ADGRL3: variants seen among roughly 807,000 people sequenced by gnomAD.
ADGRL3 encodes calcium-independent alpha-latrotoxin receptor 3.
A neutral mutation model predicts 153.5 loss-of-function variants in ADGRL3; 62 were observed. That is an observed-to-expected ratio of 0.40 (90% CI 0.33 to 0.50). The LOEUF (loss-of-function observed/expected upper bound fraction) is 0.50, where lower values mean the gene tolerates loss of function less well. Ranked by LOEUF, ADGRL3 falls within the 20% of genes least tolerant of loss-of-function variation. ADGRL3 has a pLI of 0.47. For missense variants in ADGRL3, 1,641 were observed against 1,859.4 expected (o/e 0.88, Z 2.16); for synonymous variants, 710 against 672.5 (o/e 1.06, Z -0.86).
chr4:61,304,567 T>C (rs1183945060), intron 1 of ADGRL3, among the ~76,000 whole-genome samples: 1 of 152,212 alleles, frequency 6.6e-6, no homozygotes, highest in African/African-American at 2.4e-5. Flanking sequence ...TCATGTTTTT[T>C]TCCCTTTCTG....
At chr4:61,869,961 AGAGAGAG>A (rs1165118876) in intron 9 of ADGRL3, among the ~76,000 whole-genome samples, 118 of 93,734 alleles carry the variant, frequency 1.3e-3, no homozygotes, top group Middle Eastern at 4.7e-3. Flanking sequence ...AAAAAAAAAA[AGAGAGAG>A]AGAGAGAAAG....
At chr4:61,826,213 C>A (rs1053348473) in intron 9 of ADGRL3, among the ~76,000 whole-genome samples, 2 of 152,082 alleles carry the variant, frequency 1.3e-5, no homozygotes, top group Non-Finnish European at 2.9e-5. Context: ...CAAAGGAAGC[C>A]ACTCTAGGGA....
In ADGRL3 at chr4:61,786,457, A is replaced by C. The variant is rs146376504; in HGVS notation, c.1400-27352A>C. On this transcript the variant is annotated intron_variant, in intron 8 of 26. Coordinates refer to ENST00000683033, the MANE Select transcript of ADGRL3 (RefSeq NM_001387552.1). ...AAATAAAGAAACCAGATGGAGAAAGAATAGGAAGAGCATTCGTGAGATGAT... is the reference window on the plus strand; with the variant it reads ...AAATAAAGAAACCAGATGGAGAAAGCATAGGAAGAGCATTCGTGAGATGAT... 6.6e-5 allele frequency among the ~76,000 whole-genome samples: 10 copies of C among 152,344 alleles called. No individual in the cohort carries two copies. In the East Asian group the frequency reaches 1.2e-3, roughly 18 times the overall value.
chr4:61,340,360 A>G (rs980890062), intron 1 of ADGRL3, among the ~76,000 whole-genome samples: 1 of 151,770 alleles, frequency 6.6e-6, no homozygotes, highest in African/African-American at 2.4e-5. Context: ...TCTCTATTAT[A>G]GCAATTCAAG....
intron 21 of ADGRL3, among the ~76,000 whole-genome samples, chr4:62,011,615 A>G (rs1408094020): frequency 6.6e-6 from 1 of 152,152 alleles, no homozygotes; most frequent in Non-Finnish European, 1.5e-5. Context: ...CTGTTTTCTC[A>G]AATCCAAAGG....
chr4:61,848,029 A>G (rs1383040744), intron 9 of ADGRL3, among the ~76,000 whole-genome samples: 2 of 10,736 alleles, frequency 1.9e-4, no homozygotes, highest in African/African-American at 3.7e-4. Flanking sequence ...AATATAAAAT[A>G]TATTATATAT....
chr4:61,446,936 A>G (rs2097590060), intron 2 of ADGRL3, among the ~76,000 whole-genome samples: 1 of 152,150 alleles, frequency 6.6e-6, no homozygotes, highest in African/African-American at 2.4e-5. Flanking sequence ...ATCCCTGAGT[A>G]GCTGTCTAAC....
intron 5 of ADGRL3, among the ~76,000 whole-genome samples, chr4:61,627,813 C>A (rs577184511): frequency 1.3e-5 from 2 of 152,164 alleles, no homozygotes; most frequent in South Asian, 4.2e-4. Flanking sequence ...ATTTTTTAAA[C>A]CTCTCTTTTG....
At chr4:61,903,448 T>C (rs920336704) in intron 11 of ADGRL3, among the ~76,000 whole-genome samples, 4 of 152,168 alleles carry the variant, frequency 2.6e-5, no homozygotes, top group African/African-American at 9.6e-5. Flanking sequence ...GATTCATCTT[T>C]TATTTCCTCA....
chr4:61,517,159 A>C (rs2098501426), intron 3 of ADGRL3, among the ~76,000 whole-genome samples, 156 bp from the exon 4 acceptor site: 3 of 151,366 alleles, frequency 2.0e-5, no homozygotes, highest in Admixed American at 2.0e-4. Context: ...TAATCCTCTC[A>C]GCTGTAGGGT....
chr4:61,222,341 C>T (rs1050423210), intron 1 of ADGRL3, among the ~76,000 whole-genome samples: 2 of 152,002 alleles, frequency 1.3e-5, no homozygotes, highest in Non-Finnish European at 2.9e-5. Flanking sequence ...TTATGGAGTA[C>T]ATAGCACTCT....
intron 6 of ADGRL3, among the ~76,000 whole-genome samples, chr4:61,722,915 A>C (rs1318885352): frequency 6.6e-6 from 1 of 152,194 alleles, no homozygotes; most frequent in Non-Finnish European, 1.5e-5. Flanking sequence ...GTATTTACTA[A>C]ATTTCTGAAA....
chr4:61,926,416 G>A (rs893654992), intron 13 of ADGRL3, among the ~76,000 whole-genome samples: 9 of 151,948 alleles, frequency 5.9e-5, no homozygotes, highest in African/African-American at 1.5e-4. Context: ...AATTCTATGC[G>A]TTGCACCTCT....
At chr4:61,382,752 G>GT (rs1176263990) in intron 1 of ADGRL3, among the ~76,000 whole-genome samples, 1 of 151,726 alleles carries the variant, frequency 6.6e-6, no homozygotes, top group Non-Finnish European at 1.5e-5. Flanking sequence ...GGCAAAAGTG[G>GT]TAAGACTAAT....
intron 8 of ADGRL3, among the ~76,000 whole-genome samples, chr4:61,807,695 T>C (rs567792079): frequency 2.0e-4 from 30 of 152,286 alleles, no homozygotes; most frequent in Admixed American, 1.2e-3. Context: ...ATTTTCTTAA[T>C]TTTTAGGTAT....
At chr4:61,273,515 G>A (rs536476038) in intron 1 of ADGRL3, among the ~76,000 whole-genome samples, 4 of 152,226 alleles carry the variant, frequency 2.6e-5, no homozygotes, top group African/African-American at 9.6e-5. Context: ...GCCTTGTGGC[G>A]TATTTTGTGG....
intron 9 of ADGRL3, among the ~76,000 whole-genome samples, chr4:61,890,946 A>G (rs567826828): frequency 2.6e-5 from 1 of 38,190 alleles, no homozygotes; most frequent in East Asian, 9.8e-4. Context: ...GATTTATTAT[A>G]TATGCAAATT....
chr4:61,676,837 G>C lies in ADGRL3; in HGVS notation c.485G>C (p.Arg162Thr). ...TCTTTTGACTTCAGATGCAATAACA[G>C]AACCCAGTGTGCAGTGGTGGCAGGT... ...YKIMSQRCNN[R>T]TQCAVVAGPD... Residue 162 changes from arginine (R) to threonine (T), a missense_variant, in exon 6 of 27, where the codon AGA becomes ACA. By Grantham distance (71) the Arg-to-Thr change is moderately conservative. Transcript: ENST00000683033. The C allele has an allele frequency of 6.2e-7, 1 of 1,611,284 alleles. No individual in the cohort carries two copies.
chr4:61,368,886 G>C (rs955155308), intron 1 of ADGRL3, among the ~76,000 whole-genome samples: 8 of 152,122 alleles, frequency 5.3e-5, no homozygotes, highest in Non-Finnish European at 1.2e-4. Flanking sequence ...CCATTTGTTT[G>C]TATCCTCTTT....
Sources: gnomAD v4.1 joint callset for allele counts (sites outside exome capture counted in the v4.1 genomes callset) on GRCh38, gnomAD v4.1.1 for gene constraint, MANE v1.5 for transcripts, NCBI Gene and HGNC (gene_info 2026-07-23, HGNC 2026-07-21) for gene names.